CRYBB2: variants seen among roughly 807,000 people sequenced by gnomAD.
CRYBB2 encodes crystallin beta B2, also known as beta-crystallin B2.
In CRYBB2, 12 loss-of-function variants were observed where a neutral mutation model predicts 24.3. The ratio of observed to expected loss-of-function variants is 0.49; its 90% confidence interval spans 0.32 to 0.80. The LOEUF (loss-of-function observed/expected upper bound fraction) is 0.80. Among genes scored for constraint, CRYBB2 ranks in the 30% least tolerant of loss-of-function variants. The probability of loss-of-function intolerance (pLI) is 0.04; values close to 1 mark genes in which losing one functional copy is unlikely to be tolerated. For missense variants in CRYBB2, 198 were observed against 268.5 expected, an observed-to-expected ratio of 0.74 and a Z score of 1.83; for synonymous variants, 98 against 101.6, an observed-to-expected ratio of 0.96 and a Z score of 0.21.
In CRYBB2 at chr22:25,221,503, G is replaced by T. The variant is rs1399117803; in HGVS notation, c.54+20G>T. On this transcript the variant is annotated intron_variant, in intron 2 of 5. Coordinates refer to ENST00000398215, the MANE Select transcript of CRYBB2 (RefSeq NM_000496.3). ...CCCAAGGTGGGTACCTCTCAGAGGA[G>T]GGGGCATGCAATGCTCCTCCCCCAG... 1.3e-6 allele frequency: 2 copies of T among 1,599,304 alleles called. No individual in the cohort carries two copies. Among genetic ancestry groups the T allele is most frequent in the African/African-American group, 2.7e-5 (2 of 74,678 alleles).
chr22:25,231,345 TAC>T lies in CRYBB2; in HGVS notation c.450-257_450-256del, dbSNP rs1382002599. ...CCCAGTACAGTACAGTACAGTACAG[TAC>T]AGTACAGGCCTTCAGTCAAAATTTG... On this transcript the variant is annotated intron_variant, in intron 5 of 5. Coordinates refer to ENST00000398215, the MANE Select transcript of CRYBB2 (RefSeq NM_000496.3). Among the ~76,000 whole-genome samples, 4 of 107,692 alleles carry T rather than the reference TAC, an allele frequency of 3.7e-5. No homozygotes were observed. The East Asian group carries it at 9.9e-4, about 27-fold the overall frequency. The allele number at this position is 107,692 out of a possible 152,430, so 70.7% of individuals were successfully genotyped here.
chr22:25,222,962 A>G (rs1480506135), intron 2 of CRYBB2, among the ~76,000 whole-genome samples: 1 of 152,142 alleles, frequency 6.6e-6, no homozygotes, highest in Non-Finnish European at 1.5e-5. Flanking sequence ...GACTAATTAC[A>G]TGTGCTCAGT....
intron 2 of CRYBB2, among the ~76,000 whole-genome samples, chr22:25,223,372 T>C (rs6004490): frequency 0.43 from 65,569 of 152,038 alleles, 14,694 homozygotes; most frequent in African/African-American, 0.53. Context: ...AAATACTATG[T>C]GCTAACCACC....
chr22:25,218,030 C>T (rs556815835), upstream of CRYBB2, among the ~76,000 whole-genome samples: 5 of 150,328 alleles, frequency 3.3e-5, no homozygotes, highest in African/African-American at 9.8e-5. Flanking sequence ...GAGGCCGAGA[C>T]GGGCGGATAA....
chr22:25,220,354 G>C (rs1935298303), intron 1 of CRYBB2, among the ~76,000 whole-genome samples: 1 of 152,202 alleles, frequency 6.6e-6, no homozygotes, highest in African/African-American at 2.4e-5. Context: ...GAGGCATAGG[G>C]AGAGGATGAG....
chr22:25,218,746 A>G (rs1569015995), upstream of CRYBB2, among the ~76,000 whole-genome samples: 68 of 34,610 alleles, frequency 2.0e-3, 2 homozygotes, highest in South Asian at 4.8e-3. Context: ...GGAGAGAGAG[A>G]GAGAGAGAGA....
chr22:25,222,768 G>T (rs887574078), intron 2 of CRYBB2, among the ~76,000 whole-genome samples: 2 of 152,070 alleles, frequency 1.3e-5, no homozygotes, highest in Non-Finnish European at 2.9e-5. Flanking sequence ...AAAGTAAAAA[G>T]AAATAGGTGA....
At chr22:25,229,251 C>T (rs1935489308) in intron 4 of CRYBB2, among the ~76,000 whole-genome samples, 185 bp from the exon 5 acceptor site, 1 of 152,122 alleles carries the variant, frequency 6.6e-6, no homozygotes, top group Non-Finnish European at 1.5e-5. Context: ...ATGAAAATGG[C>T]CCAGTAGAAA....
At chr22:25,223,438 A>G (rs1227420292) in intron 2 of CRYBB2, among the ~76,000 whole-genome samples, 1 of 152,178 alleles carries the variant, frequency 6.6e-6, no homozygotes, top group Admixed American at 6.5e-5. Context: ...CCGAACTTCC[A>G]CATTCTTGAG....
At chr22:25,218,690 A>AAGAGAGAGAGGGAGAGAGAGAG (rs1935225266), upstream of CRYBB2, among the ~76,000 whole-genome samples, 1 of 78,586 alleles carries the variant, frequency 1.3e-5, no homozygotes, top group Non-Finnish European at 2.3e-5. Flanking sequence ...GAAAGAAAGA[A>AAGAGAGAGAGGGAGAGAGAGAG]AGAGAGAGAG....
At chr22:25,214,660 G>A (rs1935144197), upstream of CRYBB2, among the ~76,000 whole-genome samples, 1 of 152,212 alleles carries the variant, frequency 6.6e-6, no homozygotes, top group Non-Finnish European at 1.5e-5. Flanking sequence ...AGCCGCTACT[G>A]AGGGCTTCAC....
Position 25,219,666 on chromosome 22 carries a change from G to T in CRYBB2, c.-27G>T. The T allele has an allele frequency of 6.6e-6, 1 of 152,212 alleles. No homozygotes were observed. The highest frequency in any genetic ancestry group is 1.9e-4 in the East Asian group (1 of 5,192). The allele number at this position is 152,212 out of a possible 1,614,324, so 9.4% of individuals were successfully genotyped here. On this transcript the variant is annotated splice_region_variant and 5_prime_UTR_variant, in exon 1 of 6. Coordinates refer to ENST00000398215, the MANE Select transcript of CRYBB2 (RefSeq NM_000496.3). ...GGCACTCGCAGGGGCTGGTGTCACTGGTAAGATTGCCTCTCTTGCTTGTCT... is the reference window on the plus strand; with the variant it reads ...GGCACTCGCAGGGGCTGGTGTCACTTGTAAGATTGCCTCTCTTGCTTGTCT...
At chr22:25,224,243 G>A (rs992772846) in intron 2 of CRYBB2, among the ~76,000 whole-genome samples, 4 of 151,996 alleles carry the variant, frequency 2.6e-5, no homozygotes, top group South Asian at 4.1e-4. Flanking sequence ...CAGTTTCCCT[G>A]ATGGGGATCC....
intron 4 of CRYBB2, among the ~76,000 whole-genome samples, chr22:25,229,056 C>G (rs538996345): frequency 1.0e-5 from 1 of 97,872 alleles, no homozygotes. Context: ...GTGTGGTGTG[C>G]GTGTGTGCAT....
At chr22:25,217,371 G>A (rs189249311), upstream of CRYBB2, among the ~76,000 whole-genome samples, 73 of 152,216 alleles carry the variant, frequency 4.8e-4, no homozygotes, top group African/African-American at 1.7e-3. Flanking sequence ...AGGTTGGAGT[G>A]CAATGCCATG....
chr22:25,218,804 AAGAAAG>A (rs1935259991), upstream of CRYBB2, among the ~76,000 whole-genome samples: 1 of 119,398 alleles, frequency 8.4e-6, no homozygotes, highest in African/African-American at 3.7e-5. Context: ...GAAAGAAAGA[AAGAAAG>A]AAAGAAAGAA....
chr22:25,214,744 C>T (rs1050488010), upstream of CRYBB2, among the ~76,000 whole-genome samples: 1 of 152,146 alleles, frequency 6.6e-6, no homozygotes, highest in Non-Finnish European at 1.5e-5. Flanking sequence ...TAATTCTTCG[C>T]AAGTGTGGGA....
rs5996861 is a variant in CRYBB2 at position 25,230,074 on chromosome 22, T to A, written c.449+496T>A. 4.1e-3 allele frequency among the ~76,000 whole-genome samples: 616 copies of A among 151,932 alleles called. 2 individuals carry two copies. Among genetic ancestry groups the A allele is most frequent in the African/African-American group, 8.4e-3 (346 of 41,430 alleles). Reference sequence around the variant, plus strand: ...AGCAGTGAGGGATTTCTCATGGTAATAAATTTGGATTCCATGGGGGTCCAC... The same window carrying A: ...AGCAGTGAGGGATTTCTCATGGTAAAAAATTTGGATTCCATGGGGGTCCAC... On this transcript the variant is annotated intron_variant, in intron 5 of 5. Transcript: ENST00000398215.
chr22:25,217,855 G>A (rs1186066140), upstream of CRYBB2, among the ~76,000 whole-genome samples: 1 of 152,154 alleles, frequency 6.6e-6, no homozygotes, highest in Non-Finnish European at 1.5e-5. Flanking sequence ...ATGCATATGT[G>A]CATTAAGAAA....
Sources: gnomAD v4.1 joint callset for allele counts (sites outside exome capture counted in the v4.1 genomes callset) on GRCh38, gnomAD v4.1.1 for gene constraint, MANE v1.5 for transcripts, NCBI Gene and HGNC (gene_info 2026-07-23, HGNC 2026-07-21) for gene names.